Variants in AUTS2 observed in about 807,000 individuals in gnomAD.
The protein encoded by AUTS2 is activator of transcription and developmental regulator AUTS2, also known as autism susceptibility gene 2 protein.
Under a neutral mutation model 112.4 loss-of-function variants are expected in AUTS2, and 17 were observed. The observed-to-expected ratio is 0.15, with a 90% CI of 0.10 to 0.23. The LOEUF is 0.23. AUTS2 is among the 10% of genes least tolerant of loss of function. The probability of loss-of-function intolerance (pLI) is 1.00; values close to 1 mark genes in which losing one functional copy is unlikely to be tolerated. For synonymous variants in AUTS2, 751 were observed against 702.7 expected (o/e 1.07, Z -1.09); for missense variants, 1,510 against 1,701.6 (o/e 0.89, Z 1.98).
intron 5 of AUTS2, among the ~76,000 whole-genome samples, chr7:70,585,926 G>T (rs1026126294): frequency 6.6e-6 from 1 of 151,872 alleles, no homozygotes; most frequent in Admixed American, 6.6e-5. Context: ...GCAACGGCGC[G>T]ATCTCGGCTC....
intron 4 of AUTS2, among the ~76,000 whole-genome samples, chr7:70,425,111 G>A (rs1795378884): frequency 6.6e-6 from 1 of 152,134 alleles, no homozygotes; most frequent in African/African-American, 2.4e-5. Context: ...GAATCATGTT[G>A]GTGATACTTA....
At chr7:69,836,581 T>C (rs767045297) in intron 1 of AUTS2, among the ~76,000 whole-genome samples, 3 of 152,220 alleles carry the variant, frequency 2.0e-5, no homozygotes, top group African/African-American at 4.8e-5. Flanking sequence ...TTTAATCTAT[T>C]TGGGTAAGGT....
intron 1 of AUTS2, among the ~76,000 whole-genome samples, chr7:69,694,796 C>T (rs909172725): frequency 5.3e-5 from 8 of 152,112 alleles, no homozygotes; most frequent in Non-Finnish European, 7.4e-5. Context: ...TACAAGGTGG[C>T]CTTACTATTT....
chr7:70,132,086 G>A (rs7783592), intron 3 of AUTS2, among the ~76,000 whole-genome samples: 32,148 of 148,740 alleles, frequency 0.22, 3,411 homozygotes, highest in Middle Eastern at 0.34. Flanking sequence ...TGGCAAAGTC[G>A]ATCACAAGAG....
At chr7:70,744,775 C>G (rs1244320561) in intron 6 of AUTS2, among the ~76,000 whole-genome samples, 1 of 152,162 alleles carries the variant, frequency 6.6e-6, no homozygotes, top group Admixed American at 6.5e-5. Context: ...CGTGAGCCCC[C>G]CTTGGCAGCC....
chr7:70,648,103 T>C (rs1806273726), intron 5 of AUTS2, among the ~76,000 whole-genome samples: 1 of 152,202 alleles, frequency 6.6e-6, no homozygotes, highest in Admixed American at 6.5e-5. Flanking sequence ...GGAATAATGA[T>C]AGTACTTACC....
At chr7:70,704,149 G>A (rs1160247232) in intron 6 of AUTS2, among the ~76,000 whole-genome samples, 3 of 152,196 alleles carry the variant, frequency 2.0e-5, no homozygotes, top group Admixed American at 6.5e-5. Flanking sequence ...AGTGTCTCCC[G>A]AAAATTTTCC....
intron 1 of AUTS2, among the ~76,000 whole-genome samples, chr7:69,789,978 G>A (rs973786855): frequency 3.9e-5 from 6 of 151,994 alleles, no homozygotes; most frequent in East Asian, 1.9e-4. Flanking sequence ...ATATCTCAAC[G>A]TGTTGAAACA....
In AUTS2 at chr7:70,697,224, C is replaced by CA. The variant is rs962396474; in HGVS notation, c.691-1341dup. On this transcript the variant is annotated intron_variant, in intron 5 of 18. Transcript: ENST00000342771. The stretch of plus-strand genomic sequence containing the variant: ...CCCTCTGTATTTTTCATTATTCCTG[C>CA]AAAATAGGAAAAAATCTATCTAGGG... Among the ~76,000 whole-genome samples, 26 of 151,808 alleles carry CA rather than the reference C, an allele frequency of 1.7e-4. 1 individual carries two copies. The highest frequency in any genetic ancestry group is 5.6e-4 in the African/African-American group (23 of 41,290).
intron 2 of AUTS2, among the ~76,000 whole-genome samples, chr7:70,115,211 G>C (rs1472866481): frequency 1.3e-5 from 2 of 152,178 alleles, no homozygotes; most frequent in Non-Finnish European, 2.9e-5. Flanking sequence ...AAGAAGCATG[G>C]AAAAGGCCCA....
intron 5 of AUTS2, among the ~76,000 whole-genome samples, chr7:70,613,871 A>C (rs1179482774): frequency 3.3e-5 from 5 of 152,190 alleles, no homozygotes; most frequent in African/African-American, 1.2e-4. Context: ...GCACCTGCCT[A>C]CCTTTTCATC....
intron 2 of AUTS2, among the ~76,000 whole-genome samples, chr7:70,028,462 T>C (rs1303626098): frequency 1.3e-5 from 2 of 152,196 alleles, no homozygotes; most frequent in African/African-American, 4.8e-5. Context: ...ATGTTTTAAG[T>C]ATTAAATGAA....
At chr7:70,195,510 G>T (rs1810126365) in intron 4 of AUTS2, among the ~76,000 whole-genome samples, 1 of 152,044 alleles carries the variant, frequency 6.6e-6, no homozygotes, top group African/African-American at 2.4e-5. Context: ...AATTAGTCGG[G>T]CACTGTGCTG....
intron 4 of AUTS2, among the ~76,000 whole-genome samples, chr7:70,378,011 T>C (rs1368610720): frequency 6.6e-6 from 1 of 151,956 alleles, no homozygotes; most frequent in African/African-American, 2.4e-5. Context: ...CTCCTGACCT[T>C]GTGATCCGCC....
In AUTS2 at chr7:69,737,548, A is replaced by T. The variant is rs1787086410; in HGVS notation, c.309+137586A>T. ...CTGCTCCTCATTCCCATATCCCATT[A>T]GGAACAGTGGGCATCAGTTGCAAAA... On this transcript the variant is annotated intron_variant, in intron 1 of 18. Coordinates refer to ENST00000342771, the MANE Select transcript of AUTS2 (RefSeq NM_015570.4). Among the ~76,000 whole-genome samples the T allele has an allele frequency of 2.0e-5, 3 of 152,206 alleles. No individual in the cohort carries two copies. The South Asian group carries it at 6.2e-4, about 32-fold the overall frequency.
intron 5 of AUTS2, among the ~76,000 whole-genome samples, chr7:70,534,962 G>A (rs558600875): frequency 2.6e-5 from 4 of 151,002 alleles, no homozygotes; most frequent in Non-Finnish European, 5.9e-5. Flanking sequence ...GAGTTGAATT[G>A]CTAGCTTTTT....
intron 5 of AUTS2, chr7:70,436,282 C>T (rs535772194): frequency 6.6e-4 from 101 of 153,072 alleles, no homozygotes; most frequent in Non-Finnish European, 1.3e-3. Context: ...CAGATGGGAA[C>T]TGCCCTCTTC....
chr7:69,921,405 G>A (rs964520974), intron 2 of AUTS2, among the ~76,000 whole-genome samples: 2 of 149,416 alleles, frequency 1.3e-5, no homozygotes, highest in Admixed American at 6.7e-5. Context: ...AAAACATCAC[G>A]GTGGGAAATA....
chr7:70,299,340 A>C (rs1789095113), intron 4 of AUTS2, among the ~76,000 whole-genome samples: 1 of 152,198 alleles, frequency 6.6e-6, no homozygotes, highest in Non-Finnish European at 1.5e-5. Flanking sequence ...TGACTCATGC[A>C]TTAAACACCT....
Sources: gnomAD v4.1 joint callset for allele counts (sites outside exome capture counted in the v4.1 genomes callset) on GRCh38, gnomAD v4.1.1 for gene constraint, MANE v1.5 for transcripts, NCBI Gene and HGNC (gene_info 2026-07-23, HGNC 2026-07-21) for gene names.